ANKRD36: variants seen among roughly 807,000 people sequenced by gnomAD.
The protein encoded by ANKRD36 is ankyrin repeat domain 36, also known as ankyrin repeat domain-containing protein 36A.
ANKRD36 carries 179 observed loss-of-function variants against 278.1 expected under a neutral mutation model. The ratio of observed to expected loss-of-function variants is 0.64; its 90% CI spans 0.57 to 0.73. The LOEUF (loss-of-function observed/expected upper bound fraction) is 0.73, where lower values mean the gene tolerates loss of function less well. Ranked by LOEUF, ANKRD36 falls within the 30% of genes least tolerant of loss-of-function variation. The probability of loss-of-function intolerance (pLI) is 0.00; values close to 1 mark genes in which losing one functional copy is unlikely to be tolerated. For synonymous variants in ANKRD36, 320 were observed against 641.1 expected (o/e 0.50, Z 7.57); for missense variants, 1,159 against 1,956.7 (o/e 0.59, Z 7.69).
intron 40 of ANKRD36, among the ~76,000 whole-genome samples, chr2:97,196,365 G>A (rs1355643819): frequency 6.6e-6 from 1 of 151,958 alleles, no homozygotes; most frequent in African/African-American, 2.4e-5. Flanking sequence ...TTCGACACAT[G>A]AGAAATCATG....
intron 24 of ANKRD36, 102 bp downstream of exon 24, chr2:97,180,035 T>C (rs2055680235): frequency 6.5e-7 from 1 of 1,538,562 alleles, no homozygotes; most frequent in Admixed American, 1.8e-5. Context: ...CTGCACGTTC[T>C]GATTCAGTAC....
intron 20 of ANKRD36, among the ~76,000 whole-genome samples, chr2:97,166,082 G>C (rs2153505127): frequency 6.6e-6 from 1 of 150,492 alleles, no homozygotes; most frequent in East Asian, 1.9e-4. Context: ...ACACATAATG[G>C]TGTAATGTGT....
intron 44 of ANKRD36, among the ~76,000 whole-genome samples, chr2:97,199,291 A>G (rs570999481): frequency 6.6e-6 from 1 of 152,054 alleles, no homozygotes; most frequent in South Asian, 2.1e-4. Flanking sequence ...ATTGGAATAC[A>G]CCACACTGAC....
At chr2:97,193,872 A>C (rs574842529) in intron 38 of ANKRD36, among the ~76,000 whole-genome samples, 7 of 151,722 alleles carry the variant, frequency 4.6e-5, no homozygotes, top group East Asian at 2.0e-4. Context: ...TACTCCCAAC[A>C]AGACTATTTT....
At chr2:97,220,627 TGTTGATG>T (rs1391624485) in intron 66 of ANKRD36, among the ~76,000 whole-genome samples, 2 of 151,734 alleles carry the variant, frequency 1.3e-5, no homozygotes, top group African/African-American at 2.4e-5. Context: ...CCCATTTTTC[TGTTGATG>T]TACATTTAGG....
In ANKRD36 at chr2:97,113,733, G is replaced by A. The variant is rs1466357282; in HGVS notation, c.-7G>A. On this transcript the variant is annotated 5_prime_UTR_variant, in exon 1 of 76. Transcript: ENST00000420699. Reference sequence around the variant, plus strand: ...CGGCTGCAGGCTACAATTTGCAGCCGACGATTATGGAAGACGGCAAGCGGG... The same window carrying A: ...CGGCTGCAGGCTACAATTTGCAGCCAACGATTATGGAAGACGGCAAGCGGG... 10 of 1,611,104 alleles carry A rather than the reference G, an allele frequency of 6.2e-6. No homozygotes were observed. The highest frequency in any genetic ancestry group is 8.5e-6 in the Non-Finnish European group (10 of 1,179,556).
chr2:97,159,719 GTAAT>G (rs1406718155), intron 17 of ANKRD36, among the ~76,000 whole-genome samples: 11 of 149,144 alleles, frequency 7.4e-5, no homozygotes, highest in Admixed American at 6.7e-4. Context: ...AAATAAATAA[GTAAT>G]TAAATAATAA....
chr2:97,216,988 T>C (rs756717043), intron 62 of ANKRD36, 189 bp from the exon 63 acceptor site: 2 of 1,269,140 alleles, frequency 1.6e-6, no homozygotes, highest in South Asian at 1.4e-5. Flanking sequence ...AGTATATTTT[T>C]CATGAAGGCT....
intron 67 of ANKRD36, among the ~76,000 whole-genome samples, chr2:97,232,848 T>C (rs994432769): frequency 1.6e-4 from 24 of 152,040 alleles, no homozygotes; most frequent in Non-Finnish European, 2.5e-4. Flanking sequence ...GAAGTAGTTA[T>C]GGATGAAATA....
rs760680931 is a variant in ANKRD36 at position 97,181,794 on chromosome 2, G to T, written c.1837+1G>T. The T allele has an allele frequency of 9.3e-6, 15 of 1,607,768 alleles. No individual in the cohort carries two copies. Among genetic ancestry groups the T allele is most frequent in the Admixed American group, 1.7e-5 (1 of 59,504 alleles). ...AAGAAGGGACAACAATCTGGGACAG[G>T]TAATTTTGCAAAACACATTTAATGT... On this transcript the variant is annotated splice_donor_variant, in intron 26 of 75. Coordinates refer to ENST00000420699, the MANE Select transcript of ANKRD36 (RefSeq NM_001354587.1). LOFTEE classifies it high-confidence loss of function.
chr2:97,192,718 C>A, intron 36 of ANKRD36, 140 bp from the exon 37 acceptor site: 1 of 1,237,118 alleles, frequency 8.1e-7, no homozygotes, highest in Non-Finnish European at 1.1e-6. Flanking sequence ...ACGTTCTAGT[C>A]CCCAGACTAA....
intron 22 of ANKRD36, among the ~76,000 whole-genome samples, chr2:97,170,381 A>AGCC (rs1454242249): frequency 6.6e-6 from 1 of 152,034 alleles, no homozygotes; most frequent in Non-Finnish European, 1.5e-5. Context: ...AACAGAACAG[A>AGCC]GCCCTCAGAA....
intron 22 of ANKRD36, among the ~76,000 whole-genome samples, chr2:97,177,659 C>T: frequency 6.6e-6 from 1 of 151,860 alleles, no homozygotes; most frequent in East Asian, 1.9e-4. Flanking sequence ...TTCCTTACAC[C>T]TTATACAAAA....
intron 22 of ANKRD36, among the ~76,000 whole-genome samples, chr2:97,175,759 C>T (rs139302160): frequency 0.78 from 110,755 of 142,690 alleles, 43,429 homozygotes; most frequent in Non-Finnish European, 0.84. Context: ...CTTGTGGGCA[C>T]TTAGTGCTAT....
At position 97,113,497 on chromosome 2, in the gene ANKRD36, G is replaced by C. The variant is rs1379649244; in HGVS notation, c.-243G>C. The C allele has an allele frequency of 1.8e-6, 1 of 549,818 alleles. No homozygotes were observed. Among genetic ancestry groups the C allele is most frequent in the African/African-American group, 1.9e-5 (1 of 51,734 alleles). The allele number at this position is 549,818 out of a possible 1,614,324, so 34.1% of individuals were successfully genotyped here. A position where few individuals can be genotyped will look rare whatever the true frequency, so the allele number is the denominator to read the frequency against. On this transcript the variant is annotated 5_prime_UTR_variant, in exon 1 of 76. Coordinates refer to ENST00000420699, the MANE Select transcript of ANKRD36 (RefSeq NM_001354587.1). ...TCCGCAGCAACCGCCGCCTGCACTGGGCGCGCGAGAGCTGCTAGGGCGGTT... is the reference window on the plus strand; with the variant it reads ...TCCGCAGCAACCGCCGCCTGCACTGCGCGCGCGAGAGCTGCTAGGGCGGTT...
intron 5 of ANKRD36, 79 bp from the exon 6 acceptor site, chr2:97,126,988 A>T: frequency 1.9e-6 from 1 of 539,386 alleles, no homozygotes; most frequent in Non-Finnish European, 3.2e-6. Context: ...TGTTCAAGAT[A>T]CTCTAATAAT....
intron 56 of ANKRD36, 122 bp downstream of exon 56, chr2:97,209,994 C>T (rs182372138): frequency 1.8e-5 from 26 of 1,406,210 alleles, no homozygotes; most frequent in Non-Finnish European, 2.1e-5. Context: ...TCCTGAGATT[C>T]TTCATTTCAA....
intron 1 of ANKRD36, among the ~76,000 whole-genome samples, chr2:97,117,757 G>T (rs1382636865): frequency 8.6e-5 from 13 of 152,004 alleles, no homozygotes; most frequent in Non-Finnish European, 1.8e-4. Context: ...CATCACAGCA[G>T]TGTTCTGTGG....
intron 2 of ANKRD36, 57 bp from the exon 3 acceptor site, chr2:97,118,287 C>A (rs1385136854): frequency 6.2e-7 from 1 of 1,610,458 alleles, no homozygotes; most frequent in African/African-American, 1.3e-5. Context: ...GGAAATCCTA[C>A]GGAGTGTTTA....
Sources: allele counts gnomAD v4.1 joint callset (sites outside exome capture counted in the v4.1 genomes callset), GRCh38; gene constraint gnomAD v4.1.1; transcripts MANE v1.5; gene names NCBI Gene and HGNC (gene_info 2026-07-23, HGNC 2026-07-21).